Variants in PLA2G5 observed in about 807,000 individuals in gnomAD.
PLA2G5 encodes Ca2+-dependent phospholipase A2.
PLA2G5 carries 12 observed loss-of-function variants against 15.9 expected under a neutral mutation model. That is an observed-to-expected ratio of 0.76 (90% CI 0.48 to 1.23). The LOEUF is 1.23. Ranked by LOEUF, PLA2G5 falls within the 50% of genes most tolerant of loss-of-function variation. The pLI, the probability that PLA2G5 is intolerant of heterozygous loss-of-function variation, is 0.00. For synonymous variants in PLA2G5, 71 were observed against 71.4 expected (o/e 0.99, Z 0.03); for missense variants, 169 against 177.1 (o/e 0.95, Z 0.26).
At chr1:20,035,139 A>G (rs1249129860) in intron 1 of PLA2G5, among the ~76,000 whole-genome samples, 1 of 152,180 alleles carries the variant, frequency 6.6e-6, no homozygotes, top group Admixed American at 6.5e-5. Context: ...CAAGGGTTAA[A>G]GAAAGGTACA....
chr1:20,075,534 G>C (rs1229554691), intron 1 of PLA2G5, among the ~76,000 whole-genome samples: 1 of 152,244 alleles, frequency 6.6e-6, no homozygotes, highest in East Asian at 1.9e-4. Flanking sequence ...GCACAGAGCA[G>C]TTAAGAAAGT....
chr1:20,058,510 T>C (rs1217860744), intron 1 of PLA2G5, among the ~76,000 whole-genome samples: 2 of 152,248 alleles, frequency 1.3e-5, no homozygotes, highest in Non-Finnish European at 2.9e-5. Context: ...TTAATCTATA[T>C]ATGTCTTTAT....
At chr1:20,060,244 C>CTTCTTTT (rs2014642548) in intron 2 of PLA2G5, among the ~76,000 whole-genome samples, 1 of 116,916 alleles carries the variant, frequency 8.6e-6, no homozygotes, top group Admixed American at 8.9e-5. Flanking sequence ...TTTCTTTTTT[C>CTTCTTTT]TTCTTTTTTT....
At chr1:20,062,276 C>T (rs1480527556) in intron 2 of PLA2G5, among the ~76,000 whole-genome samples, 1 of 152,178 alleles carries the variant, frequency 6.6e-6, no homozygotes, top group Admixed American at 6.6e-5. Flanking sequence ...ACTGAGAACC[C>T]CTGGAGAATA....
intron 1 of PLA2G5, among the ~76,000 whole-genome samples, chr1:20,077,688 G>A (rs1422027147): frequency 6.6e-6 from 1 of 152,144 alleles, no homozygotes; most frequent in Non-Finnish European, 1.5e-5. Context: ...AGTGAGTCTG[G>A]TTCTATGATT....
intron 1 of PLA2G5, among the ~76,000 whole-genome samples, chr1:20,083,262 A>G (rs983560016): frequency 6.6e-6 from 1 of 151,912 alleles, no homozygotes; most frequent in African/African-American, 2.4e-5. Flanking sequence ...CCAGCTGTGG[A>G]CAGAACCTTC....
chr1:20,049,139 G>C (rs1272744248), intron 1 of PLA2G5, among the ~76,000 whole-genome samples: 2 of 152,030 alleles, frequency 1.3e-5, no homozygotes, highest in East Asian at 3.8e-4. Context: ...TTTTATATGA[G>C]AAAGAATCTT....
intron 1 of PLA2G5, among the ~76,000 whole-genome samples, chr1:20,033,919 G>A (rs2013104899): frequency 6.6e-6 from 1 of 152,106 alleles, no homozygotes; most frequent in African/African-American, 2.4e-5. Flanking sequence ...ACAGTCGGAA[G>A]TATCCCACAA....
chr1:20,028,523 T>C (rs879811221), exon 1 of PLA2G5: 3 of 152,210 alleles, frequency 2.0e-5, no homozygotes, highest in African/African-American at 7.2e-5. Flanking sequence ...TCTGGCTGTT[T>C]CCTGTCGAAT....
chr1:20,049,120 G>A (rs976081646), intron 1 of PLA2G5, among the ~76,000 whole-genome samples: 9 of 152,058 alleles, frequency 5.9e-5, no homozygotes, highest in African/African-American at 2.2e-4. Context: ...AAAGCTTAAA[G>A]ATACATAATT....
At chr1:20,032,155 A>G (rs1269869156) in intron 1 of PLA2G5, among the ~76,000 whole-genome samples, 2 of 152,166 alleles carry the variant, frequency 1.3e-5, no homozygotes, top group Non-Finnish European at 2.9e-5. Context: ...TTAAAAGGGC[A>G]ATGGCCTGCT....
At chr1:20,039,883 A>G (rs1257210067) in intron 1 of PLA2G5, among the ~76,000 whole-genome samples, 1 of 152,168 alleles carries the variant, frequency 6.6e-6, no homozygotes, top group Non-Finnish European at 1.5e-5. Flanking sequence ...CGTCTGTAAT[A>G]TATCTCTCAT....
Position 20,043,609 on chromosome 1 carries a change from T to C in PLA2G5, n.276+14900T>C, listed in dbSNP as rs1426577205. On this transcript the variant is annotated intron_variant and non_coding_transcript_variant, in intron 1 of 6. Transcript: ENST00000460175. Reference sequence around the variant, plus strand: ...GGGTGGCAATGAGCTGTGGCTGTAGTCCAGGAATAGTCAGGGAAGCAGATA... The same window carrying C: ...GGGTGGCAATGAGCTGTGGCTGTAGCCCAGGAATAGTCAGGGAAGCAGATA... 4.6e-5 allele frequency among the ~76,000 whole-genome samples: 7 copies of C among 152,044 alleles called. No homozygotes were observed. The East Asian group carries it at 1.2e-3, about 25-fold the overall frequency.
intron 1 of PLA2G5, among the ~76,000 whole-genome samples, chr1:20,038,340 A>G (rs1205617146): frequency 3.3e-5 from 5 of 152,194 alleles, no homozygotes; most frequent in African/African-American, 9.7e-5. Flanking sequence ...TTTAACTGGA[A>G]GTTTCCTTCT....
chr1:20,036,248 G>A (rs2013243409), intron 1 of PLA2G5, among the ~76,000 whole-genome samples: 1 of 152,006 alleles, frequency 6.6e-6, no homozygotes, highest in East Asian at 1.9e-4. Flanking sequence ...GAATTTCCTG[G>A]GTGTTCTTTG....
chr1:20,067,220 C>T (rs2015080464), upstream of PLA2G5, among the ~76,000 whole-genome samples: 1 of 152,082 alleles, frequency 6.6e-6, no homozygotes, highest in African/African-American at 2.4e-5. Context: ...GTCTCCGAGT[C>T]CTGGGCTCAA....
At chr1:20,089,977 A>G in intron 4 of PLA2G5, 82 bp downstream of exon 4, 1 of 961,010 alleles carries the variant, frequency 1.0e-6, no homozygotes, top group Non-Finnish European at 1.6e-6. Flanking sequence ...GCCAGCCTGT[A>G]TCTTGTTGGG....
intron 1 of PLA2G5, among the ~76,000 whole-genome samples, chr1:20,058,652 T>A (rs2014554247): frequency 6.6e-6 from 1 of 151,938 alleles, no homozygotes; most frequent in Non-Finnish European, 1.5e-5. Flanking sequence ...GCTGAGTGAG[T>A]CAAGCCTGCA....
At chr1:20,064,075 G>C (rs1351532413) in intron 2 of PLA2G5, among the ~76,000 whole-genome samples, 1 of 152,104 alleles carries the variant, frequency 6.6e-6, no homozygotes, top group African/African-American at 2.4e-5. Context: ...TGGACCTTTC[G>C]CTGAGTTTCA....
Sources: gnomAD v4.1 joint callset for allele counts (sites outside exome capture counted in the v4.1 genomes callset) on GRCh38, gnomAD v4.1.1 for gene constraint, MANE v1.5 for transcripts, NCBI Gene and HGNC (gene_info 2026-07-23, HGNC 2026-07-21) for gene names.